KATNA1: variants seen among roughly 807,000 people sequenced by gnomAD.
KATNA1 encodes the protein katanin catalytic subunit A1, also known as katanin p60 ATPase-containing subunit A1.
In KATNA1, 42 loss-of-function variants were observed where a neutral mutation model predicts 62.6. The observed-to-expected ratio is 0.67, with a 90% CI of 0.52 to 0.87. KATNA1 has a LOEUF of 0.87. Ranked by LOEUF, KATNA1 falls within the 40% of genes least tolerant of loss-of-function variation. The probability of loss-of-function intolerance (pLI) is 0.00; values close to 1 mark genes in which losing one functional copy is unlikely to be tolerated. For synonymous variants in KATNA1, 186 were observed against 201.9 expected (o/e 0.92, Z 0.67); for missense variants, 498 against 612.5 (o/e 0.81, Z 1.97).
intron 4 of KATNA1, among the ~76,000 whole-genome samples, chr6:149,621,181 T>C (rs985866429): frequency 6.6e-6 from 1 of 150,884 alleles, no homozygotes; most frequent in African/African-American, 2.4e-5. Context: ...TGGAGTGCAG[T>C]GGCGCGATCT....
chr6:149,631,703 G>A (rs1779847958), intron 3 of KATNA1, among the ~76,000 whole-genome samples: 1 of 152,124 alleles, frequency 6.6e-6, no homozygotes, highest in South Asian at 2.1e-4. Flanking sequence ...TTCTAGAAAG[G>A]CATGACACAG....
At chr6:149,603,789 T>G (rs1272063427) in intron 5 of KATNA1, among the ~76,000 whole-genome samples, 2 of 152,192 alleles carry the variant, frequency 1.3e-5, no homozygotes, top group Admixed American at 6.5e-5. Context: ...ACAACATAGC[T>G]GCTTTGCCTC....
At chr6:149,600,796 G>C (rs1778512365) in intron 7 of KATNA1, among the ~76,000 whole-genome samples, 1 of 147,430 alleles carries the variant, frequency 6.8e-6, no homozygotes, top group African/African-American at 2.5e-5. Context: ...AAAAAAATGA[G>C]CTGAGTGTGG....
At chr6:149,607,186 G>A (rs1187016580) in intron 4 of KATNA1, among the ~76,000 whole-genome samples, 1 of 152,200 alleles carries the variant, frequency 6.6e-6, no homozygotes, top group Non-Finnish European at 1.5e-5. Context: ...ACAAATTTAA[G>A]TAGGCAGAAG....
At chr6:149,614,574 C>A (rs1779093394) in intron 4 of KATNA1, among the ~76,000 whole-genome samples, 1 of 152,058 alleles carries the variant, frequency 6.6e-6, no homozygotes, top group South Asian at 2.1e-4. Flanking sequence ...GGATTTGAGA[C>A]AAGCCTGGGC....
At position 149,638,648 on chromosome 6, in the gene KATNA1, C is replaced by A. The variant is rs1465314497; in HGVS notation, c.-13-88G>T. On this transcript the variant is annotated intron_variant, in intron 1 of 10. Coordinates refer to ENST00000367411, the MANE Select transcript of KATNA1 (RefSeq NM_007044.4). Reference sequence around the variant, plus strand: ...TTATTAAAAAATACTTTCCAGGGCTCCCTCAAGAAACAATCACACATACCA... The same window carrying A: ...TTATTAAAAAATACTTTCCAGGGCTACCTCAAGAAACAATCACACATACCA... The A allele has an allele frequency of 4.6e-6, 4 of 867,744 alleles. No individual in the cohort carries two copies. The East Asian group carries it at 1.0e-4, about 22-fold the overall frequency. 53.8% of individuals were successfully genotyped at this position (867,744 alleles called of 1,614,324 possible). A position where few individuals can be genotyped will look rare whatever the true frequency, so the allele number is the denominator to read the frequency against.
At chr6:149,619,960 T>TATAC (rs57598954) in intron 4 of KATNA1, among the ~76,000 whole-genome samples, 38 of 151,380 alleles carry the variant, frequency 2.5e-4, no homozygotes, top group Admixed American at 3.9e-4. Flanking sequence ...GTGGCATGCA[T>TATAC]ATACATACAT....
chr6:149,598,139 A>G (rs1345500998), intron 8 of KATNA1, 85 bp downstream of exon 8: 6 of 1,470,188 alleles, frequency 4.1e-6, no homozygotes, highest in Non-Finnish European at 5.6e-6. Flanking sequence ...GGTTAGCACT[A>G]TGAGTAAAGT....
chr6:149,643,323 T>C (rs1780360127), intron 1 of KATNA1, among the ~76,000 whole-genome samples: 1 of 152,212 alleles, frequency 6.6e-6, no homozygotes, highest in Non-Finnish European at 1.5e-5. Flanking sequence ...ATCTAAGGCA[T>C]CCAGCTAAGT....
At position 149,606,644 on chromosome 6, in the gene KATNA1, G is replaced by T. The variant is rs185374870; in HGVS notation, c.502-1862C>A. Among the ~76,000 whole-genome samples, 564 of 147,256 alleles carry T rather than the reference G, an allele frequency of 3.8e-3. 4 individuals are homozygous for T. The highest frequency in any genetic ancestry group is 0.013 in the African/African-American group (526 of 39,920). On this transcript the variant is annotated intron_variant, in intron 4 of 10. Transcript: ENST00000367411. ...TTTTTTTTTTTTTTTTTGAGATGGAGTTTCATTCTTGTTGCCCAGGCTGGA... is the reference window on the plus strand; with the variant it reads ...TTTTTTTTTTTTTTTTTGAGATGGATTTTCATTCTTGTTGCCCAGGCTGGA...
chr6:149,618,155 GAAA>G (rs548492724), intron 4 of KATNA1, among the ~76,000 whole-genome samples: 1 of 88,010 alleles, frequency 1.1e-5, no homozygotes. Context: ...CTCCATCTCA[GAAA>G]AAAAAAAAAA....
At chr6:149,648,141 G>A (rs1233224013) in intron 1 of KATNA1, among the ~76,000 whole-genome samples, 1 of 152,106 alleles carries the variant, frequency 6.6e-6, no homozygotes, top group Non-Finnish European at 1.5e-5. Flanking sequence ...TTCGGGGTGG[G>A]GGGCGTGAGC....
rs773163446 is a variant in KATNA1 at position 149,597,079 on chromosome 6, T to C, written c.1261A>G (p.Ile421Val). The C allele has an allele frequency of 1.2e-6, 2 of 1,614,116 alleles. No individual in the cohort carries two copies. Among genetic ancestry groups the C allele is most frequent in the African/African-American group, 1.3e-5 (1 of 75,056 alleles). ...AATTCATACCTGCACACGTTGGTAA[T>C]GTCCGCACCTGAATAACCTTCCATG... ...ENMEGYSGAD[I>V]TNVCRDASLM... Residue 421 changes from isoleucine (I) to valine (V), a missense_variant, in exon 10 of 11, where the codon ATT becomes GTT. Transcript: ENST00000367411.
intron 4 of KATNA1, among the ~76,000 whole-genome samples, chr6:149,620,089 CAG>C (rs1779334300): frequency 6.6e-6 from 1 of 152,016 alleles, no homozygotes; most frequent in African/African-American, 2.4e-5. Flanking sequence ...AAGGCAGGCA[CAG>C]AAAGATAAAT....
intron 1 of KATNA1, among the ~76,000 whole-genome samples, chr6:149,647,537 A>AG (rs1780537001): frequency 6.6e-6 from 1 of 151,202 alleles, no homozygotes; most frequent in African/African-American, 2.4e-5. Context: ...AAAAAAAAAA[A>AG]AAAAAAAAAA....
At position 149,623,267 on chromosome 6, in the gene KATNA1, T is replaced by C. The variant is rs1779479772; in HGVS notation, c.337A>G (p.Arg113Gly). The C allele has an allele frequency of 6.3e-7, 1 of 1,599,030 alleles. No individual in the cohort carries two copies. Among genetic ancestry groups the C allele is most frequent in the Non-Finnish European group, 8.5e-7 (1 of 1,176,382 alleles). ...PVERRPSPGP[R>G]KRQSSQYSDP... ...CTGTACTGAGAAGATTGGCGTTTTC[T>C]AGGTCCTGGTGAGGGTCTAATCAAA... The change falls in exon 4 of 11, where the codon AGA becomes GGA. Residue 113 changes from arginine (R) to glycine (G), a missense_variant. This residue lies in a region of KATNA1 where 203 missense variants were observed against 198.4 expected (regional missense o/e 1.02). Coordinates refer to ENST00000367411, the MANE Select transcript of KATNA1 (RefSeq NM_007044.4).
At chr6:149,625,532 A>T (rs1211672070) in intron 3 of KATNA1, among the ~76,000 whole-genome samples, 3 of 152,180 alleles carry the variant, frequency 2.0e-5, no homozygotes, top group Admixed American at 2.0e-4. Context: ...CAGGAGGCTG[A>T]GGCAAAAGAA....
chr6:149,623,184 A>C lies in KATNA1; in HGVS notation c.420T>G (p.Ser140=), dbSNP rs553265440. The change falls in exon 4 of 11, where the codon TCT becomes TCG. Residue 140 remains serine (S), a synonymous_variant. Transcript: ENST00000367411. ...CTCTGTCATTGTGAACATTCTGTGC[A>C]GATGAACGGTGAACTCTGACAGTTG... is the stretch of plus-strand genomic sequence containing the variant. ...PSTTVRVHRS[S]AQNVHNDRGK... is the part of the protein sequence containing the mutation. 3 of 1,613,714 alleles carry C rather than the reference A, an allele frequency of 1.9e-6. No homozygotes were observed. Among genetic ancestry groups the C allele is most frequent in the African/African-American group, 1.3e-5 (1 of 75,044 alleles).
In KATNA1 at chr6:149,638,553, A is replaced by G. The variant is rs768220857; in HGVS notation, c.-6T>C. 2 of 1,600,814 alleles carry G rather than the reference A, an allele frequency of 1.2e-6. No homozygotes were observed. Among genetic ancestry groups the G allele is most frequent in the Non-Finnish European group, 1.7e-6 (2 of 1,174,224 alleles). Reference sequence around the variant, plus strand: ...CTAATCATAAGAAGACTCATGTTCAACTGTAAGCTAAAAAGAAGAAGAAAA... The same window carrying G: ...CTAATCATAAGAAGACTCATGTTCAGCTGTAAGCTAAAAAGAAGAAGAAAA... On this transcript the variant is annotated 5_prime_UTR_variant, in exon 2 of 11. Transcript: ENST00000367411.
Sources: gnomAD v4.1 joint callset for allele counts (sites outside exome capture counted in the v4.1 genomes callset) on GRCh38, gnomAD v4.1.1 for gene constraint, gnomAD v4.1.1 regional missense constraint, MANE v1.5 for transcripts, NCBI Gene and HGNC (gene_info 2026-07-23, HGNC 2026-07-21) for gene names.